The following NLRP6 variants were observed in gnomAD, a reference collection of about 807,000 sequenced individuals.
NLRP6 encodes NLR family pyrin domain containing 6, also known as NACHT, LRR and PYD domains-containing protein 6.
In NLRP6, 55 loss-of-function variants were observed where a neutral mutation model predicts 70.9. That is an observed-to-expected ratio of 0.78 (90% CI 0.62 to 0.97). NLRP6 has a LOEUF of 0.97. Among genes scored for constraint, NLRP6 ranks in the 50% least tolerant of loss-of-function variants. The pLI is 0.00. For synonymous variants in NLRP6, 652 were observed against 581.9 expected, an observed-to-expected ratio of 1.12 and a Z score of -1.73; for missense variants, 1,241 against 1,238.3, an observed-to-expected ratio of 1.00 and a Z score of -0.03.
At position 282,651 on chromosome 11, in the gene NLRP6, C is replaced by T. The variant is rs117978256; in HGVS notation, c.2106-54C>T. The T allele has an allele frequency of 4.4e-3, 6,130 of 1,388,714 alleles. 26 individuals carry two copies. Among genetic ancestry groups the T allele is most frequent in the Middle Eastern group, 6.5e-3 (37 of 5,658 alleles). 86.0% of individuals were successfully genotyped at this position (1,388,714 alleles called of 1,614,324 possible). A position where few individuals can be genotyped will look rare whatever the true frequency, so the allele number is the denominator to read the frequency against. On this transcript the variant is annotated intron_variant, in intron 4 of 7. Transcript: ENST00000534750. ...ACTACAGATAGACAGGAGTCCTTTC[C>T]GGCAGGCACTGTGAGGAGCAGGGTG... is the stretch of plus-strand genomic sequence containing the variant.
intron 4 of NLRP6, 29 bp from the exon 5 acceptor site, chr11:282,675 TG>T: frequency 1.3e-6 from 2 of 1,557,992 alleles, no homozygotes; most frequent in Non-Finnish European, 1.8e-6. Flanking sequence ...AGGAGCAGGG[TG>T]GGCTTCACCT....
rs1195947767 is a variant in NLRP6, at chr11:281,537, G to A, written c.1803G>A (p.Glu601=). 1 of 1,610,282 alleles carries A rather than the reference G, an allele frequency of 6.2e-7. No homozygotes were observed. The highest frequency in any genetic ancestry group is 8.5e-7 in the Non-Finnish European group (1 of 1,178,354). The change falls in exon 4 of 8, where the codon GAG becomes GAA. Residue 601 remains glutamate (E), a synonymous_variant. Coordinates refer to ENST00000534750, the MANE Select transcript of NLRP6 (RefSeq NM_001276700.2). ...TGACCGAGGGGGCCAAAGGGCTCGA[G>A]GACACCGAAGAGCCAGAGGAGGAGG... The part of the protein sequence containing the change: ...PEVTEGAKGL[E]DTEEPEEEEE...
intron 5 of NLRP6, 130 bp from the exon 6 acceptor site, chr11:284,100 G>T (rs1023686083): frequency 6.3e-6 from 5 of 797,860 alleles, no homozygotes; most frequent in Non-Finnish European, 1.0e-5. Context: ...GCGAGGTCCA[G>T]GGAAGGATGT....
Position 281,044 on chromosome 11 carries a change from G to A in NLRP6, c.1310G>A (p.Arg437Gln). ...LSSAPVADGP[R>Q]LQGDLRNLCR... ...TCGGCTCCGGTAGCCGACGGGCCCC[G>A]GTTGCAGGGCGACCTGCGCAATCTG... Residue 437 changes from arginine (R) to glutamine (Q), a missense_variant, in exon 4 of 8, where the codon CGG becomes CAG. Transcript: ENST00000534750. 1 of 1,613,042 alleles carries A rather than the reference G, an allele frequency of 6.2e-7. No homozygotes were observed. The highest frequency in any genetic ancestry group is 1.1e-5 in the South Asian group (1 of 91,076).
Position 280,275 on chromosome 11 carries a change from A to T in NLRP6, c.541A>T (p.Thr181Ser). 2 of 1,512,910 alleles carry T rather than the reference A, an allele frequency of 1.3e-6. No individual in the cohort carries two copies. The highest frequency in any genetic ancestry group is 1.8e-6 in the Non-Finnish European group (2 of 1,130,836). The allele number at this position is 1,512,910 out of a possible 1,614,324, so 93.7% of individuals were successfully genotyped here. A position where few individuals can be genotyped will look rare whatever the true frequency, so the allele number is the denominator to read the frequency against. The change falls in exon 4 of 8, where the codon ACT (threonine) becomes TCT (serine). Residue 181 changes from threonine (T) to serine (S), a missense_variant. Coordinates refer to ENST00000534750, the MANE Select transcript of NLRP6 (RefSeq NM_001276700.2). ...PGRARRSDTH[T>S]FNRLFRRDEE... ...GCGCGCGCGGCGCTCGGACACGCACACTTTCAACCGCCTCTTCCGCCGCGA... is the reference window on the plus strand; with the variant it reads ...GCGCGCGCGGCGCTCGGACACGCACTCTTTCAACCGCCTCTTCCGCCGCGA...
rs775395287 is a variant in NLRP6, at chr11:280,972, A to G, written c.1238A>G (p.Lys413Arg). ...GGTCGGGACCTGTCGCGCACGTCCA[A>G]GACCACCACGTCAGTGTACCTGCTT... ...ELGRDLSRTS[K>R]TTTSVYLLFI... The change falls in exon 4 of 8, where the codon AAG becomes AGG. Residue 413 changes from lysine (K) to arginine (R), a missense_variant. By Grantham distance (26) the Lys-to-Arg change is conservative. Coordinates refer to ENST00000534750, the MANE Select transcript of NLRP6 (RefSeq NM_001276700.2). 1 of 1,613,206 alleles carries G rather than the reference A, an allele frequency of 6.2e-7. No homozygotes were observed. The highest frequency in any genetic ancestry group is 8.5e-7 in the Non-Finnish European group (1 of 1,179,974).
In NLRP6 at chr11:284,250, C is replaced by T. The variant is rs764506331; in HGVS notation, c.2219C>T (p.Pro740Leu). The T allele has an allele frequency of 6.2e-7, 1 of 1,613,236 alleles. No individual in the cohort carries two copies. The highest frequency in any genetic ancestry group is 8.5e-7 in the Non-Finnish European group (1 of 1,179,978). Residue 740 changes from proline (P) to leucine (L), a missense_variant, in exon 6 of 8, where the codon CCT becomes CTT. Physicochemically the swap from Pro to Leu is moderately conservative, Grantham distance 98 (BLOSUM62 -3). Coordinates refer to ENST00000534750, the MANE Select transcript of NLRP6 (RefSeq NM_001276700.2). ...CACAGGCTGTCCCACTGCAAACTCC[C>T]TGACGCGGTCTGCCGAGACCTTTCT... ...SSLTLSHCKLPDAVCRDLSEA... is the reference protein window; with the variant it reads ...SSLTLSHCKLLDAVCRDLSEA...
At position 280,720 on chromosome 11, in the gene NLRP6, C is replaced by CT. The variant is rs1459621744; in HGVS notation, c.986_987insT (p.Ala330ArgfsTer36). 6.3e-7 allele frequency: 1 copy of CT among 1,575,426 alleles called. No homozygotes were observed. The highest frequency in any genetic ancestry group is 1.2e-5 in the South Asian group (1 of 85,568). The stretch of plus-strand genomic sequence containing the variant: ...CTCCTGCTGGTGACCACGCGCGCCG[C>CT]CGCCCCCGGGAGGCTGCAGGGCCGC... On this transcript the variant is annotated frameshift_variant, in exon 4 of 8. Coordinates refer to ENST00000534750, the MANE Select transcript of NLRP6 (RefSeq NM_001276700.2). LOFTEE classifies it high-confidence loss of function.
rs1204649898 is a variant in NLRP6 at position 281,798 on chromosome 11, GAGCCTGGGGAAGCGGCTCCAGGCC to G, written c.2073_2096del (p.Lys692_Gly699del). 11 of 1,596,140 alleles carry G rather than the reference GAGCCTGGGGAAGCGGCTCCAGGCC, an allele frequency of 6.9e-6. No homozygotes were observed. The highest frequency in any genetic ancestry group is 1.7e-4 in the Middle Eastern group (1 of 6,026). On this transcript the variant is annotated inframe_deletion, in exon 4 of 8. Coordinates refer to ENST00000534750, the MANE Select transcript of NLRP6 (RefSeq NM_001276700.2). ...TTGCTGCGCAGGAGAAGAAGAAGAA[GAGCCTGGGGAAGCGGCTCCAGGCC>G]AGCCTGGGTGGCGGCAGGTGCGTCT...
At position 280,078 on chromosome 11, in the gene NLRP6, G is replaced by A. The variant is rs891171417; in HGVS notation, c.350-6G>A. On this transcript the variant is annotated splice_polypyrimidine_tract_variant and splice_region_variant and intron_variant, in intron 3 of 7. Coordinates refer to ENST00000534750, the MANE Select transcript of NLRP6 (RefSeq NM_001276700.2). ...TTGTCCCCGCGCTGTCTCCCGCTGCGCCCAGAGTACAAGAAGAAGTACCGG... is the reference window on the plus strand; with the variant it reads ...TTGTCCCCGCGCTGTCTCCCGCTGCACCCAGAGTACAAGAAGAAGTACCGG... 5 of 1,475,668 alleles carry A rather than the reference G, an allele frequency of 3.4e-6. No individual in the cohort carries two copies. The highest frequency in any genetic ancestry group is 1.4e-5 in the South Asian group (1 of 73,758). The allele number at this position is 1,475,668 out of a possible 1,614,324, so 91.4% of individuals were successfully genotyped here.
At chr11:283,311 CTTT>C (rs34619806) in intron 5 of NLRP6, among the ~76,000 whole-genome samples, 5 of 115,454 alleles carry the variant, frequency 4.3e-5, no homozygotes, top group African/African-American at 9.8e-5. Flanking sequence ...ATGTACAGTT[CTTT>C]TTTTTTTTTT....
At chr11:283,396 C>T (rs1845506301) in intron 5 of NLRP6, among the ~76,000 whole-genome samples, 2 of 148,216 alleles carry the variant, frequency 1.3e-5, no homozygotes, top group Non-Finnish European at 3.0e-5. Flanking sequence ...TCACTGCAAG[C>T]TCCGCCTCCC....
In NLRP6 at chr11:279,904, C is replaced by T. The variant is rs371572251; in HGVS notation, c.349+32C>T. 611 of 1,500,414 alleles carry T rather than the reference C, an allele frequency of 4.1e-4. 1 individual carries two copies. The highest frequency in any genetic ancestry group is 5.2e-4 in the Non-Finnish European group (588 of 1,128,792). 92.9% of individuals were successfully genotyped at this position (1,500,414 alleles called of 1,614,324 possible). On this transcript the variant is annotated intron_variant, in intron 3 of 7. Transcript: ENST00000534750. ...CTCTCGCTGGGGGGGCACGAGTGTC[C>T]CCAACCCCACTTGGAGGGTCCCGGG... is the stretch of plus-strand genomic sequence containing the variant.
Position 279,586 on chromosome 11 carries a change from C to T in NLRP6, c.289C>T (p.Leu97Phe). 1 of 1,411,472 alleles carries T rather than the reference C, an allele frequency of 7.1e-7. No individual in the cohort carries two copies. Among genetic ancestry groups the T allele is most frequent in the Non-Finnish European group, 9.2e-7 (1 of 1,086,764 alleles). 87.4% of individuals were successfully genotyped at this position (1,411,472 alleles called of 1,614,324 possible). Residue 97 changes from leucine (L) to phenylalanine (F), a missense_variant, in exon 2 of 8, where the codon CTC becomes TTC. Leu to Phe is a conservative substitution (Grantham distance 22, BLOSUM62 0). Coordinates refer to ENST00000534750, the MANE Select transcript of NLRP6 (RefSeq NM_001276700.2). ...RADARDVAAQ[L>F]QERRLQRLGL... ...GGACGCGCGCGACGTGGCGGCGCAG[C>T]TCCAGGAGCGGCGGCTGCAGCGTGA...
rs1306765359 is a variant in NLRP6 at position 280,280 on chromosome 11, C to G, written c.546C>G (p.Phe182Leu). 1 of 1,511,746 alleles carries G rather than the reference C, an allele frequency of 6.6e-7. No individual in the cohort carries two copies. The highest frequency in any genetic ancestry group is 2.5e-5 in the East Asian group (1 of 39,524). The allele number at this position is 1,511,746 out of a possible 1,614,324, so 93.6% of individuals were successfully genotyped here. A position where few individuals can be genotyped will look rare whatever the true frequency, so the allele number is the denominator to read the frequency against. The change falls in exon 4 of 8, where the codon TTC becomes TTG. Residue 182 changes from phenylalanine to leucine, a missense_variant. Coordinates refer to ENST00000534750, the MANE Select transcript of NLRP6 (RefSeq NM_001276700.2). ...GRARRSDTHT[F>L]NRLFRRDEEG... ...CGCGGCGCTCGGACACGCACACTTT[C>G]AACCGCCTCTTCCGCCGCGACGAGG...
At chr11:279,954 A>G (rs1350317512) in intron 3 of NLRP6, 82 bp downstream of exon 3, 28 of 1,424,592 alleles carry the variant, frequency 2.0e-5, no homozygotes, top group Non-Finnish European at 2.4e-5. Flanking sequence ...GAGGGCCGCC[A>G]GGGGCGTGGG....
intron 7 of NLRP6, 82 bp from the exon 8 acceptor site, chr11:285,084 G>GGCTGCCCCCACGGC: frequency 7.8e-7 from 1 of 1,290,036 alleles, no homozygotes; most frequent in Non-Finnish European, 1.1e-6. Flanking sequence ...CCCGCGGCCC[G>GGCTGCCCCCACGGC]GCTGCCCCCA....
chr11:284,160 T>G, intron 5 of NLRP6, 70 bp from the exon 6 acceptor site: 2 of 1,427,824 alleles, frequency 1.4e-6, no homozygotes, highest in South Asian at 1.2e-5. Flanking sequence ...GCAGCGGGCA[T>G]TTTGTGCAGT....
chr11:280,060 C>T, intron 3 of NLRP6, 24 bp from the exon 4 acceptor site: 1 of 1,459,754 alleles, frequency 6.9e-7, no homozygotes, highest in Non-Finnish European at 9.0e-7. Flanking sequence ...CCCTTGTCCC[C>T]GCGCTGTCTC....
Sources: allele counts gnomAD v4.1 joint callset (sites outside exome capture counted in the v4.1 genomes callset), GRCh38; gene constraint gnomAD v4.1.1; transcripts MANE v1.5; gene names NCBI Gene and HGNC (gene_info 2026-07-23, HGNC 2026-07-21).